Variants in MGAT4C observed in about 807,000 individuals in gnomAD.
MGAT4C encodes the protein alpha-1,3-mannosyl-glycoprotein 4-beta-N-acetylglucosaminyltransferase C.
Under a neutral mutation model 40.1 loss-of-function variants are expected in MGAT4C, and 19 were observed. The ratio of observed to expected loss-of-function variants is 0.47; its 90% CI spans 0.33 to 0.70. The LOEUF (loss-of-function observed/expected upper bound fraction) is 0.70. Among genes scored for constraint, MGAT4C ranks in the 30% least tolerant of loss-of-function variants. MGAT4C has a pLI of 0.02. For synonymous variants in MGAT4C, 181 were observed against 187.1 expected (o/e 0.97, Z 0.27); for missense variants, 491 against 563.2 (o/e 0.87, Z 1.30).
chr12:86,376,842 G>C lies in MGAT4C; in HGVS notation c.-119-42715C>G, dbSNP rs201952407. ...ACAGAGAGAGAGAGAGAGAGAGAGAGACAGAGAGAGAGAGAGAGAGAGAGA... is the reference window on the plus strand; with the variant it reads ...ACAGAGAGAGAGAGAGAGAGAGAGACACAGAGAGAGAGAGAGAGAGAGAGA... On this transcript the variant is annotated intron_variant, in intron 3 of 7. Transcript: ENST00000548651. Among the ~76,000 whole-genome samples the C allele has an allele frequency of 3.2e-3, 199 of 62,798 alleles. 2 individuals are homozygous for C. Among genetic ancestry groups the C allele is most frequent in the African/African-American group, 5.0e-3 (111 of 22,214 alleles). The allele number at this position is 62,798 out of a possible 152,430, so 41.2% of individuals were successfully genotyped here. A position where few individuals can be genotyped will look rare whatever the true frequency, so the allele number is the denominator to read the frequency against.
intron 2 of MGAT4C, among the ~76,000 whole-genome samples, chr12:86,517,579 G>A (rs1958715731): frequency 6.6e-6 from 1 of 152,164 alleles, no homozygotes; most frequent in Middle Eastern, 3.4e-3. Flanking sequence ...TAGCACTATG[G>A]TTCCAAAATA....
intron 1 of MGAT4C, among the ~76,000 whole-genome samples, chr12:86,171,224 C>A (rs1886800296): frequency 6.6e-6 from 1 of 152,050 alleles, no homozygotes; most frequent in African/African-American, 2.4e-5. Context: ...ACAAAATAAG[C>A]TGGGTGTGGT....
intron 3 of MGAT4C, among the ~76,000 whole-genome samples, chr12:86,364,867 T>C (rs1387325156): frequency 2.0e-5 from 3 of 151,920 alleles, no homozygotes; most frequent in Non-Finnish European, 4.4e-5. Context: ...CAAAGGCAAA[T>C]GGAGGCAGGG....
chr12:86,282,538 C>T (rs12300196), intron 4 of MGAT4C, among the ~76,000 whole-genome samples: 1 of 151,824 alleles, frequency 6.6e-6, no homozygotes, highest in Non-Finnish European at 1.5e-5. Flanking sequence ...ATTGAAACAG[C>T]TAATCCTGGT....
rs184853203 is a variant in MGAT4C, at chr12:86,462,692, G to T, written c.-228-27427C>A. On this transcript the variant is annotated intron_variant, in intron 2 of 7. Transcript: ENST00000548651. ...TATAGCTGAAGGCCCGAGAGGCCCT[G>T]GCAAGCCACTAGTGTAAGTCCAAGA... Among the ~76,000 whole-genome samples, 13 of 152,238 alleles carry T rather than the reference G, an allele frequency of 8.5e-5. 1 individual carries two copies. The highest frequency in any genetic ancestry group is 4.1e-4 in the South Asian group (2 of 4,826).
intron 2 of MGAT4C, among the ~76,000 whole-genome samples, chr12:86,580,274 C>G (rs1960728638): frequency 6.6e-6 from 1 of 151,488 alleles, no homozygotes; most frequent in South Asian, 2.1e-4. Context: ...TATATTTTCT[C>G]TAGGCACTTT....
At chr12:86,606,696 T>A (rs1962057523) in intron 2 of MGAT4C, among the ~76,000 whole-genome samples, 1 of 152,070 alleles carries the variant, frequency 6.6e-6, no homozygotes, top group Admixed American at 6.6e-5. Context: ...TTGTCTTCGT[T>A]CAAATTCAGT....
chr12:86,111,393 G>A (rs1877376211), intron 1 of MGAT4C, among the ~76,000 whole-genome samples: 1 of 151,744 alleles, frequency 6.6e-6, no homozygotes, highest in Admixed American at 6.6e-5. Context: ...TATCAGTGTT[G>A]TACATGTATA....
chr12:86,241,084 C>A (rs945520277), intron 1 of MGAT4C, among the ~76,000 whole-genome samples: 3 of 152,090 alleles, frequency 2.0e-5, no homozygotes, highest in Non-Finnish European at 4.4e-5. Flanking sequence ...AAATAATACA[C>A]AGGTGATTTT....
chr12:86,708,124 G>T (rs532701506), intron 2 of MGAT4C, among the ~76,000 whole-genome samples: 18 of 152,322 alleles, frequency 1.2e-4, no homozygotes, highest in Admixed American at 2.6e-4. Flanking sequence ...GCCTAGGAGG[G>T]AAAAGTGGTT....
At chr12:86,278,965 A>AT (rs1466138718) in intron 4 of MGAT4C, among the ~76,000 whole-genome samples, 1 of 30,540 alleles carries the variant, frequency 3.3e-5, no homozygotes, top group East Asian at 1.3e-3. Flanking sequence ...AGTTGATATG[A>AT]TGTCTCACAT....
chr12:86,265,293 T>C (rs989047111), intron 4 of MGAT4C, among the ~76,000 whole-genome samples: 3 of 152,094 alleles, frequency 2.0e-5, no homozygotes, highest in Non-Finnish European at 4.4e-5. Flanking sequence ...CGAGCAAAAC[T>C]CAGGCAAAAG....
At chr12:86,133,006 C>CT (rs1386379817) in intron 1 of MGAT4C, among the ~76,000 whole-genome samples, 2 of 151,982 alleles carry the variant, frequency 1.3e-5, no homozygotes, top group Non-Finnish European at 2.9e-5. Context: ...GTGACTTGTT[C>CT]TTTATATTAC....
intron 2 of MGAT4C, among the ~76,000 whole-genome samples, chr12:86,599,864 A>G (rs987826216): frequency 3.9e-5 from 6 of 152,134 alleles, no homozygotes; most frequent in Non-Finnish European, 7.4e-5. Context: ...TATTTATCAA[A>G]CCTGGACCAT....
chr12:86,308,483 G>T lies in MGAT4C; in HGVS notation c.-57+25582C>A, dbSNP rs185885460. ...TCACTCAAAAGAGATCTGAGGGAAA[G>T]AAAAATAAAAGGATGTTTTCTTCTG... On this transcript the variant is annotated intron_variant, in intron 4 of 7. Transcript: ENST00000548651. 1.6e-3 allele frequency among the ~76,000 whole-genome samples: 236 copies of T among 150,164 alleles called. 32 individuals carry two copies. The highest frequency in any genetic ancestry group is 5.6e-3 in the African/African-American group (224 of 39,842).
At chr12:86,047,135 C>A (rs1402641593) in intron 2 of MGAT4C, among the ~76,000 whole-genome samples, 3 of 152,064 alleles carry the variant, frequency 2.0e-5, no homozygotes, top group African/African-American at 7.2e-5. Flanking sequence ...ATTCTGAAAG[C>A]AAAATGTTTA....
chr12:86,760,853 T>C (rs1042873614), intron 1 of MGAT4C, among the ~76,000 whole-genome samples: 1 of 152,184 alleles, frequency 6.6e-6, no homozygotes, highest in African/African-American at 2.4e-5. Context: ...AAAAAGTGTA[T>C]GTGGTGTATA....
At chr12:86,429,547 T>C (rs980195527) in intron 3 of MGAT4C, among the ~76,000 whole-genome samples, 3 of 152,224 alleles carry the variant, frequency 2.0e-5, no homozygotes, top group South Asian at 2.1e-4. Context: ...AAGGTTTTTA[T>C]GGTTGTCACG....
At chr12:86,438,448 T>G (rs1254830891) in intron 2 of MGAT4C, among the ~76,000 whole-genome samples, 1 of 151,950 alleles carries the variant, frequency 6.6e-6, no homozygotes, top group Non-Finnish European at 1.5e-5. Flanking sequence ...TGAAGCAAGT[T>G]ATCCAGAAGA....
Sources: allele counts gnomAD v4.1 joint callset (sites outside exome capture counted in the v4.1 genomes callset), GRCh38; gene constraint gnomAD v4.1.1; transcripts MANE v1.5; gene names NCBI Gene and HGNC (gene_info 2026-07-23, HGNC 2026-07-21).